TSHZ3: variants seen among roughly 807,000 people sequenced by gnomAD.
The protein encoded by TSHZ3 is teashirt homolog 3.
TSHZ3 carries 10 observed loss-of-function variants against 64.5 expected under a neutral mutation model. The observed-to-expected ratio is 0.16, with a 90% confidence interval of 0.10 to 0.26. TSHZ3 has a LOEUF of 0.26. TSHZ3 is among the 10% of genes least tolerant of loss of function. The pLI, the probability that TSHZ3 is intolerant of heterozygous loss-of-function variation, is 1.00. For synonymous variants in TSHZ3, 608 were observed against 593.1 expected, an observed-to-expected ratio of 1.03 and a Z score of -0.36; for missense variants, 1,242 against 1,421.7, an observed-to-expected ratio of 0.87 and a Z score of 2.03.
At chr19:31,214,134 G>A (rs1342143331) in intron 4 of TSHZ3, among the ~76,000 whole-genome samples, 2 of 152,258 alleles carry the variant, frequency 1.3e-5, no homozygotes, top group East Asian at 1.9e-4. Context: ...GAACAAACCC[G>A]GGTAAGTTTT....
chr19:31,340,853 G>A (rs1270606540), intron 1 of TSHZ3, among the ~76,000 whole-genome samples: 1 of 152,218 alleles, frequency 6.6e-6, no homozygotes, highest in East Asian at 1.9e-4. Context: ...CAGCCAGTCT[G>A]CACCCAGCCA....
intron 1 of TSHZ3, among the ~76,000 whole-genome samples, chr19:31,298,527 TAAA>T (rs1460207040): frequency 6.6e-6 from 1 of 152,164 alleles, no homozygotes; most frequent in African/African-American, 2.4e-5. Flanking sequence ...CGTAAAGAAT[TAAA>T]AGCCCAGAAC....
intron 5 of TSHZ3, among the ~76,000 whole-genome samples, chr19:31,190,073 G>T (rs1329527107): frequency 6.6e-6 from 1 of 151,462 alleles, no homozygotes; most frequent in Non-Finnish European, 1.5e-5. Flanking sequence ...TGTTTTTCTT[G>T]AAGTAGCATA....
At chr19:31,168,902 A>G (rs1974496055) in intron 5 of TSHZ3, among the ~76,000 whole-genome samples, 1 of 152,168 alleles carries the variant, frequency 6.6e-6, no homozygotes, top group Admixed American at 6.5e-5. Context: ...AAAGCATCCA[A>G]CTGTCATAAG....
intron 1 of TSHZ3, among the ~76,000 whole-genome samples, chr19:31,324,084 G>A (rs1916862354): frequency 6.6e-6 from 1 of 152,108 alleles, no homozygotes; most frequent in Admixed American, 6.5e-5. Flanking sequence ...CTGGCTCTCC[G>A]CCCCTACATC....
chr19:31,321,657 C>T (rs944614763), intron 1 of TSHZ3, among the ~76,000 whole-genome samples: 9 of 152,098 alleles, frequency 5.9e-5, no homozygotes, highest in Non-Finnish European at 1.2e-4. Context: ...GCAGGCCCGA[C>T]GTGGACAGCA....
intron 5 of TSHZ3, among the ~76,000 whole-genome samples, chr19:31,157,080 T>C (rs1974314796): frequency 2.0e-5 from 3 of 150,454 alleles, no homozygotes; most frequent in South Asian, 2.1e-4. Context: ...ATTGAACATA[T>C]ATTGACATTC....
At chr19:31,219,555 A>G (rs1975373536) in intron 4 of TSHZ3, among the ~76,000 whole-genome samples, 1 of 152,182 alleles carries the variant, frequency 6.6e-6, no homozygotes, top group Non-Finnish European at 1.5e-5. Flanking sequence ...TGTCCAATAC[A>G]ATAGCCACTA....
chr19:31,168,757 T>G (rs1435008412), intron 5 of TSHZ3, among the ~76,000 whole-genome samples: 1 of 152,090 alleles, frequency 6.6e-6, no homozygotes, highest in Non-Finnish European at 1.5e-5. Context: ...ACCTTGGCCA[T>G]GTGGAATGCA....
chr19:31,279,237 G>A lies in TSHZ3; in HGVS notation c.556C>T (p.Pro186Ser). The A allele has an allele frequency of 6.2e-7, 1 of 1,614,192 alleles. No homozygotes were observed. Residue 186 changes from proline (P) to serine (S), a missense_variant, in exon 2 of 2, where the codon CCG becomes TCG. Physicochemically the swap from Pro to Ser is moderately conservative, Grantham distance 74. Coordinates refer to ENST00000240587, the MANE Select transcript of TSHZ3 (RefSeq NM_020856.4). The surrounding 1 kb of genome is among the most constrained non-coding windows in gnomAD (Gnocchi z 6.4). ...LQQVSQSRML[P>S]EPSLFSTVQL... ...ACGGTGCTGAAGAGGCTGGGCTCCG[G>A]GAGCATGCGGCTCTGTGACACCTGC...
intron 1 of TSHZ3, among the ~76,000 whole-genome samples, chr19:31,285,628 CA>C (rs1976446180): frequency 1.3e-5 from 2 of 150,162 alleles, no homozygotes; most frequent in Admixed American, 1.3e-4. Flanking sequence ...ACTAAAAATA[CA>C]AAAAATCAGC....
chr19:31,330,417 GGACTGGCCT>G (rs1917047412), intron 1 of TSHZ3, among the ~76,000 whole-genome samples: 1 of 152,218 alleles, frequency 6.6e-6, no homozygotes, highest in African/African-American at 2.4e-5. Flanking sequence ...CGTACCTTGA[GGACTGGCCT>G]GACGGCTCCC....
chr19:31,182,299 G>C (rs1642951566), intron 5 of TSHZ3, among the ~76,000 whole-genome samples: 2 of 152,174 alleles, frequency 1.3e-5, no homozygotes, highest in South Asian at 2.1e-4. Context: ...GCATGGAATT[G>C]TTGGCCAGAT....
At chr19:31,337,706 G>A (rs1917291589) in intron 1 of TSHZ3, among the ~76,000 whole-genome samples, 1 of 134,192 alleles carries the variant, frequency 7.5e-6, no homozygotes, top group Admixed American at 7.2e-5. Flanking sequence ...TGCGAATAAA[G>A]TTATTTCAAA....
intron 1 of TSHZ3, among the ~76,000 whole-genome samples, chr19:31,347,435 A>T (rs1398120668): frequency 6.6e-6 from 1 of 152,130 alleles, no homozygotes; most frequent in Non-Finnish European, 1.5e-5. Flanking sequence ...CACATACCTT[A>T]AAATGTGTAT....
intron 3 of TSHZ3, among the ~76,000 whole-genome samples, chr19:31,232,649 C>T (rs1975555853): frequency 6.6e-6 from 1 of 152,236 alleles, no homozygotes; most frequent in South Asian, 2.1e-4. Flanking sequence ...CCACCCTGAG[C>T]AAGACATAGA....
chr19:31,190,292 C>A (rs756563079), intron 5 of TSHZ3, among the ~76,000 whole-genome samples: 1 of 152,080 alleles, frequency 6.6e-6, no homozygotes, highest in Non-Finnish European at 1.5e-5. Context: ...CTTTACAAGA[C>A]CTTGGAGGGG....
chr19:31,192,186 T>C (rs1335196633), intron 5 of TSHZ3, among the ~76,000 whole-genome samples: 2 of 152,062 alleles, frequency 1.3e-5, no homozygotes, highest in Admixed American at 6.6e-5. Context: ...AAGATGAATA[T>C]TAAATATACA....
Position 31,279,667 on chromosome 19 carries a change from C to T in TSHZ3, c.126G>A (p.Ser42=), listed in dbSNP as rs376181841. Residue 42 remains serine, a synonymous_variant, in exon 2 of 2, where the codon TCG becomes TCA. Coordinates refer to ENST00000240587, the MANE Select transcript of TSHZ3 (RefSeq NM_020856.4). This position sits in a 1 kb window ranked among gnomAD's most constrained non-coding sequence, Gnocchi z 6.4. ...CCTTCTCCGGGCACATGTACTTGGC[C>T]GAGGGCTCTCCATCTGCCGTATGCT... ...PEEHTADGEP[S]AKYMCPEKEL... is the part of the protein sequence containing the mutation. 8.8e-6 allele frequency: 14 copies of T among 1,595,494 alleles called. No individual in the cohort carries two copies. The highest frequency in any genetic ancestry group is 2.3e-5 in the South Asian group (2 of 88,272).
Sources: allele counts gnomAD v4.1 joint callset (sites outside exome capture counted in the v4.1 genomes callset), GRCh38; gene constraint gnomAD v4.1.1; non-coding constraint Gnocchi (gnomAD v3.1); transcripts MANE v1.5; gene names NCBI Gene and HGNC (gene_info 2026-07-23, HGNC 2026-07-21).